Variants in IGSF11 observed in about 807,000 individuals in gnomAD.
IGSF11 encodes the protein immunoglobulin superfamily member 11.
In IGSF11, 22 loss-of-function variants were observed where a neutral mutation model predicts 41.0. The ratio of observed to expected loss-of-function variants is 0.54; its 90% confidence interval spans 0.38 to 0.77. The LOEUF (loss-of-function observed/expected upper bound fraction) is 0.77. Ranked by LOEUF, IGSF11 falls within the 30% of genes least tolerant of loss-of-function variation. The pLI is 0.00. For synonymous variants in IGSF11, 219 were observed against 201.3 expected, an observed-to-expected ratio of 1.09 and a Z score of -0.74; for missense variants, 444 against 530.8, an observed-to-expected ratio of 0.84 and a Z score of 1.61.
At chr3:119,004,189 T>C (rs1937220577) in intron 1 of IGSF11, among the ~76,000 whole-genome samples, 2 of 149,640 alleles carry the variant, frequency 1.3e-5, no homozygotes, top group African/African-American at 5.0e-5. Context: ...GGTTTAGTCT[T>C]GGGAGAGTGT....
chr3:119,045,693 G>A (rs1449414660), intron 1 of IGSF11, among the ~76,000 whole-genome samples: 1 of 152,056 alleles, frequency 6.6e-6, no homozygotes, highest in Non-Finnish European at 1.5e-5. Context: ...TGGGGGCAGG[G>A]CACAGACAAA....
At position 118,905,709 on chromosome 3, in the gene IGSF11, T is replaced by A; in HGVS notation, c.590A>T (p.Gln197Leu). ...GATGTTCCGGATGGTGACTGTTCCC[T>A]GGACCTGGTCTGTCACAAAAATAAT... ...LPPTATQDQVQGTVTIRNISA... is the reference protein window; with the variant it reads ...LPPTATQDQVLGTVTIRNISA... Residue 197 changes from glutamine (Q) to leucine (L), a missense_variant, in exon 5 of 7, where the codon CAG becomes CTG. Coordinates refer to ENST00000393775, the MANE Select transcript of IGSF11 (RefSeq NM_001015887.3). 1 of 1,613,760 alleles carries A rather than the reference T, an allele frequency of 6.2e-7. No individual in the cohort carries two copies. The highest frequency in any genetic ancestry group is 8.5e-7 in the Non-Finnish European group (1 of 1,179,732).
At position 119,064,584 on chromosome 3, in the gene IGSF11, G is replaced by A. The variant is rs79137106; in HGVS notation, c.49+40560C>T. Among the ~76,000 whole-genome samples, 1,071 of 149,094 alleles carry A rather than the reference G, an allele frequency of 7.2e-3. 84 individuals carry two copies. The East Asian group carries it at 0.16, about 23-fold the overall frequency. The stretch of plus-strand genomic sequence containing the variant: ...TCAATTTACACAATAAAATCTCTGG[G>A]ATTTTGACTGGGGTTGTACTGAAAC... On this transcript the variant is annotated intron_variant, in intron 1 of 6. Transcript: ENST00000354673.
chr3:119,045,047 C>T (rs995801022), intron 1 of IGSF11, among the ~76,000 whole-genome samples: 1 of 152,210 alleles, frequency 6.6e-6, no homozygotes, highest in Non-Finnish European at 1.5e-5. Context: ...CAGTACCTCA[C>T]ATCTCAATAC....
chr3:119,076,655 GA>G (rs1044602911), intron 1 of IGSF11, among the ~76,000 whole-genome samples: 5 of 152,122 alleles, frequency 3.3e-5, no homozygotes, highest in Non-Finnish European at 7.4e-5. Context: ...ACAGACATAC[GA>G]AAAAATGCTC....
chr3:118,903,036 T>C, intron 6 of IGSF11, 75 bp from the exon 7 acceptor site: 1 of 1,404,128 alleles, frequency 7.1e-7, no homozygotes, highest in Non-Finnish European at 9.8e-7. Context: ...GGAATCTTTC[T>C]TTTCATGTCA....
rs1338521751 is a variant in IGSF11 at position 119,034,659 on chromosome 3, G to A, written c.-77C>T. ...AGGAGAGGAGCGGGCGTGAGTCTCCGCGCTCTTGGGGCAGCCTGGTCCTCC... is the reference window on the plus strand; with the variant it reads ...AGGAGAGGAGCGGGCGTGAGTCTCCACGCTCTTGGGGCAGCCTGGTCCTCC... On this transcript the variant is annotated 5_prime_UTR_variant, in exon 1 of 7. Coordinates refer to ENST00000393775, the MANE Select transcript of IGSF11 (RefSeq NM_001015887.3). 2 of 1,474,154 alleles carry A rather than the reference G, an allele frequency of 1.4e-6. No individual in the cohort carries two copies. The highest frequency in any genetic ancestry group is 5.4e-5 in the East Asian group (2 of 37,210). 91.3% of individuals were successfully genotyped at this position (1,474,154 alleles called of 1,614,324 possible). A position where few individuals can be genotyped will look rare whatever the true frequency, so the allele number is the denominator to read the frequency against.
upstream of IGSF11, chr3:119,034,943 C>G (rs1017228825): frequency 2.9e-6 from 2 of 685,554 alleles, no homozygotes; most frequent in African/African-American, 3.8e-5. Context: ...CCCACTCGCC[C>G]CGCTTGGTCT....
intron 1 of IGSF11, among the ~76,000 whole-genome samples, chr3:119,083,136 T>C (rs1305022505): frequency 1.3e-5 from 2 of 149,682 alleles, no homozygotes; most frequent in Non-Finnish European, 3.0e-5. Context: ...CTTTTTTTTT[T>C]TTTTTTGGTG....
intron 1 of IGSF11, among the ~76,000 whole-genome samples, chr3:119,133,685 A>C (rs577542741): frequency 9.8e-5 from 15 of 152,344 alleles, no homozygotes; most frequent in Non-Finnish European, 1.6e-4. Context: ...ATTCCAATCA[A>C]TAGAAAAAGA....
intron 1 of IGSF11, among the ~76,000 whole-genome samples, chr3:119,078,149 A>G (rs1159759018): frequency 1.3e-5 from 2 of 152,186 alleles, no homozygotes; most frequent in Admixed American, 1.3e-4. Flanking sequence ...ATTTTTCATA[A>G]AATTAGAAAA....
chr3:118,975,080 T>C (rs1345598988), intron 1 of IGSF11, among the ~76,000 whole-genome samples: 3 of 152,130 alleles, frequency 2.0e-5, no homozygotes, highest in Non-Finnish European at 4.4e-5. Flanking sequence ...CTCATCCTAA[T>C]TGCTCTAATT....
chr3:119,093,204 T>A (rs994925605), intron 1 of IGSF11, among the ~76,000 whole-genome samples: 18 of 152,196 alleles, frequency 1.2e-4, no homozygotes, highest in Non-Finnish European at 1.5e-5. Flanking sequence ...CAGAAGACAC[T>A]AAAGATTGCT....
At chr3:119,136,191 A>G (rs1447771448) in intron 1 of IGSF11, among the ~76,000 whole-genome samples, 1 of 152,172 alleles carries the variant, frequency 6.6e-6, no homozygotes, top group Non-Finnish European at 1.5e-5. Flanking sequence ...GTGCACATGT[A>G]CCCTAGTACT....
upstream of IGSF11, among the ~76,000 whole-genome samples, chr3:119,106,142 T>C (rs542970603): frequency 6.6e-6 from 1 of 152,336 alleles, no homozygotes; most frequent in East Asian, 1.9e-4. Context: ...GCATACAATG[T>C]ACAATAATAA....
intron 1 of IGSF11, among the ~76,000 whole-genome samples, chr3:119,007,570 C>G (rs1195617327): frequency 1.3e-5 from 2 of 152,112 alleles, no homozygotes; most frequent in Non-Finnish European, 2.9e-5. Flanking sequence ...CTTTATTAGA[C>G]TAAATTGAAG....
In IGSF11 at chr3:118,951,721, A is replaced by G. The variant is rs144963851; in HGVS notation, c.53-21446T>C. Reference sequence around the variant, plus strand: ...AAATCCCCAAATGCTTAAGTCTCTTATATAAGATGGTACAGCATTTGCATG... The same window carrying G: ...AAATCCCCAAATGCTTAAGTCTCTTGTATAAGATGGTACAGCATTTGCATG... On this transcript the variant is annotated intron_variant, in intron 1 of 6. Coordinates refer to ENST00000393775, the MANE Select transcript of IGSF11 (RefSeq NM_001015887.3). Among the ~76,000 whole-genome samples, 952 of 152,264 alleles carry G rather than the reference A, an allele frequency of 6.3e-3. 5 individuals are homozygous for G. The highest frequency in any genetic ancestry group is 9.0e-3 in the Non-Finnish European group (615 of 67,990).
chr3:119,080,297 G>C (rs1297987251), intron 1 of IGSF11, among the ~76,000 whole-genome samples: 1 of 151,902 alleles, frequency 6.6e-6, no homozygotes, highest in Non-Finnish European at 1.5e-5. Context: ...CTTTATTCTT[G>C]AATATGCTTC....
At chr3:119,134,470 A>G (rs527967360) in intron 1 of IGSF11, among the ~76,000 whole-genome samples, 1 of 152,164 alleles carries the variant, frequency 6.6e-6, no homozygotes, top group Non-Finnish European at 1.5e-5. Flanking sequence ...CACAATTGCT[A>G]CAAAGAGAAT....
Sources: allele counts gnomAD v4.1 joint callset (sites outside exome capture counted in the v4.1 genomes callset), GRCh38; gene constraint gnomAD v4.1.1; transcripts MANE v1.5; gene names NCBI Gene and HGNC (gene_info 2026-07-23, HGNC 2026-07-21).